The following TBC1D2 variants were observed in gnomAD, a reference collection of about 807,000 sequenced individuals.
The protein encoded by TBC1D2 is TBC1 domain family member 2A.
Under a neutral mutation model 91.1 loss-of-function variants are expected in TBC1D2, and 58 were observed. The ratio of observed to expected loss-of-function variants is 0.64; its 90% confidence interval spans 0.52 to 0.79. TBC1D2 has a LOEUF of 0.79. Among genes scored for constraint, TBC1D2 ranks in the 30% least tolerant of loss-of-function variants. The probability of loss-of-function intolerance (pLI) is 0.00; values close to 1 mark genes in which losing one functional copy is unlikely to be tolerated. For synonymous variants in TBC1D2, 482 were observed against 511.5 expected, an observed-to-expected ratio of 0.94 and a Z score of 0.78; for missense variants, 1,080 against 1,208.3, an observed-to-expected ratio of 0.89 and a Z score of 1.57.
At chr9:98,216,967 C>T (rs1288130985) in intron 6 of TBC1D2, among the ~76,000 whole-genome samples, 3 of 152,210 alleles carry the variant, frequency 2.0e-5, no homozygotes, top group Admixed American at 2.0e-4. Context: ...CCTCTCAAAG[C>T]ACTGGATTGT....
At chr9:98,201,419 C>A (rs925530570) in intron 11 of TBC1D2, 60 bp downstream of exon 11, 5 of 1,501,856 alleles carry the variant, frequency 3.3e-6, no homozygotes, top group East Asian at 4.6e-5. Context: ...AGAGTCAAGA[C>A]GCAGATGGGT....
At chr9:98,209,224 A>G (rs1828748311) in intron 8 of TBC1D2, 80 bp from the exon 9 acceptor site, 3 of 1,414,384 alleles carry the variant, frequency 2.1e-6, no homozygotes, top group Admixed American at 1.8e-5. Context: ...GGAGGACCCC[A>G]GGCCAGGTTC....
At chr9:98,241,674 C>A (rs916595630) in intron 3 of TBC1D2, among the ~76,000 whole-genome samples, 9 of 152,164 alleles carry the variant, frequency 5.9e-5, no homozygotes, top group Non-Finnish European at 1.3e-4. Context: ...GGTGAGACTG[C>A]CCTGGGTGCA....
At chr9:98,244,885 A>G (rs901800657) in intron 2 of TBC1D2, among the ~76,000 whole-genome samples, 5 of 152,172 alleles carry the variant, frequency 3.3e-5, no homozygotes, top group African/African-American at 7.2e-5. Context: ...AACAATGTGA[A>G]TAAATACTTA....
chr9:98,244,862 A>G (rs1829732387), intron 2 of TBC1D2, among the ~76,000 whole-genome samples: 1 of 152,184 alleles, frequency 6.6e-6, no homozygotes, highest in African/African-American at 2.4e-5. Flanking sequence ...ATGACGGAAT[A>G]TTAATCATTC....
chr9:98,228,696 G>A lies in TBC1D2; in HGVS notation c.978+256C>T, dbSNP rs1416997316. ...GGTGAGACCATGCATGGCCCTCCAG[G>A]AGGGGTCCAAGAGACAGTTATTAGA... On this transcript the variant is annotated intron_variant, in intron 5 of 12. Coordinates refer to ENST00000465784, the MANE Select transcript of TBC1D2 (RefSeq NM_001267571.2). This position sits in a 1 kb window ranked among gnomAD's most constrained non-coding sequence, Gnocchi z 4.0. Among the ~76,000 whole-genome samples the A allele has an allele frequency of 6.6e-6, 1 of 152,322 alleles. No homozygotes were observed. The highest frequency in any genetic ancestry group is 1.5e-5 in the Non-Finnish European group (1 of 68,022).
chr9:98,239,154 G>A (rs952013864), intron 3 of TBC1D2, among the ~76,000 whole-genome samples: 1 of 151,804 alleles, frequency 6.6e-6, no homozygotes, highest in African/African-American at 2.4e-5. Context: ...GACCTCCTGG[G>A]CTCAAGTGAT....
At chr9:98,218,168 A>G (rs1829014042) in intron 6 of TBC1D2, among the ~76,000 whole-genome samples, 3 of 152,108 alleles carry the variant, frequency 2.0e-5, no homozygotes, top group Non-Finnish European at 4.4e-5. Flanking sequence ...AACCCTTTAA[A>G]GCACAAAGCA....
chr9:98,201,609 G>A lies in TBC1D2; in HGVS notation c.2327C>T (p.Ala776Val). The change falls in exon 11 of 13, where the codon GCC becomes GTC. Residue 776 changes from alanine (A) to valine (V), a missense_variant. Ala to Val is a moderately conservative substitution (Grantham distance 64). Transcript: ENST00000465784. Reference protein sequence around the residue: ...LLSEKLPRLMAHLGQHHVDLS... With the variant: ...LLSEKLPRLMVHLGQHHVDLS... ...ATCCACGTGGTGCTGCCCCAGATGG[G>A]CCATCAGCCTGGGCAGCTTCTCCGA... 6.2e-7 allele frequency: 1 copy of A among 1,614,000 alleles called. No homozygotes were observed.
Position 98,217,392 on chromosome 9 carries a change from G to A in TBC1D2, c.1374+3441C>T, listed in dbSNP as rs10122561. 8.4e-3 allele frequency among the ~76,000 whole-genome samples: 1,280 copies of A among 152,348 alleles called. 21 individuals are homozygous for A. Among genetic ancestry groups the A allele is most frequent in the African/African-American group, 0.028 (1,178 of 41,580 alleles). ...GCCTGGGCATGGGAGGCCAGGTTCC[G>A]GCTGTAGCCCTGCCTCTTGCTGCCT... On this transcript the variant is annotated intron_variant, in intron 6 of 12. Transcript: ENST00000465784.
intron 4 of TBC1D2, among the ~76,000 whole-genome samples, chr9:98,229,787 T>C (rs1829323843): frequency 6.6e-6 from 1 of 152,314 alleles, no homozygotes; most frequent in East Asian, 1.9e-4. Context: ...ACAGGCCAAA[T>C]CCAGCCCACA....
chr9:98,202,575 T>A (rs550920191), intron 10 of TBC1D2, among the ~76,000 whole-genome samples: 6 of 152,242 alleles, frequency 3.9e-5, no homozygotes, highest in African/African-American at 1.4e-4. Flanking sequence ...ACTGAAGGAT[T>A]TATGGATGAA....
At position 98,209,538 on chromosome 9, in the gene TBC1D2, G is replaced by A. The variant is rs535923702; in HGVS notation, c.1674-394C>T. Among the ~76,000 whole-genome samples, 25 of 152,280 alleles carry A rather than the reference G, an allele frequency of 1.6e-4. No homozygotes were observed. The Middle Eastern group carries it at 0.01, about 62-fold the overall frequency. Reference sequence around the variant, plus strand: ...ACCCCACTTACCACAGCCAGTAAGCGCAGGGGTGGACGGGGAACAGACAGC... The same window carrying A: ...ACCCCACTTACCACAGCCAGTAAGCACAGGGGTGGACGGGGAACAGACAGC... On this transcript the variant is annotated intron_variant, in intron 8 of 12. Transcript: ENST00000465784.
chr9:98,221,798 G>A (rs1829108841), intron 5 of TBC1D2, among the ~76,000 whole-genome samples: 1 of 152,120 alleles, frequency 6.6e-6, no homozygotes. Flanking sequence ...GCACAGACAT[G>A]GCTCACTGTA....
Position 98,201,429 on chromosome 9 carries a change from T to C in TBC1D2, c.2457+50A>G, listed in dbSNP as rs1261192652. On this transcript the variant is annotated intron_variant, in intron 11 of 12. Coordinates refer to ENST00000465784, the MANE Select transcript of TBC1D2 (RefSeq NM_001267571.2). ...GGGGCAGAGTCAAGACGCAGATGGG[T>C]GAAGGGACTTGCTCAGGGGCCCCCT... 4.5e-6 allele frequency: 7 copies of C among 1,554,896 alleles called. No homozygotes were observed. The South Asian group carries it at 8.1e-5, about 18-fold the overall frequency.
At chr9:98,255,026 A>G in intron 1 of TBC1D2, 147 bp downstream of exon 1, 1 of 1,346,824 alleles carries the variant, frequency 7.4e-7, no homozygotes, top group East Asian at 2.4e-5. Context: ...ATGGGTGGGA[A>G]TGCACTTTGC....
rs1203647859 is a variant in TBC1D2, at chr9:98,228,781, A to G, written c.978+171T>C. Among the ~76,000 whole-genome samples the G allele has an allele frequency of 6.6e-6, 1 of 152,178 alleles. No homozygotes were observed. Among genetic ancestry groups the G allele is most frequent in the African/African-American group, 2.4e-5 (1 of 41,440 alleles). On this transcript the variant is annotated intron_variant, in intron 5 of 12. Coordinates refer to ENST00000465784, the MANE Select transcript of TBC1D2 (RefSeq NM_001267571.2). This position sits in a 1 kb window ranked among gnomAD's most constrained non-coding sequence, Gnocchi z 4.0. ...TTTGTGACTTACTTTGAGTGACATC[A>G]GGTTCTTGAGTAATCAACAGCATAT... is the stretch of plus-strand genomic sequence containing the variant.
chr9:98,253,991 C>T (rs1380136666), intron 1 of TBC1D2, among the ~76,000 whole-genome samples: 1 of 152,232 alleles, frequency 6.6e-6, no homozygotes, highest in Non-Finnish European at 1.5e-5. Flanking sequence ...GTGGAAGAGA[C>T]ACATAGACCC....
chr9:98,231,211 C>G (rs866810587), intron 4 of TBC1D2, among the ~76,000 whole-genome samples: 1 of 147,604 alleles, frequency 6.8e-6, no homozygotes, highest in Non-Finnish European at 1.5e-5. Context: ...CAAGGGCTGA[C>G]TGGGAGAGGA....
Sources: gnomAD v4.1 joint callset for allele counts (sites outside exome capture counted in the v4.1 genomes callset) on GRCh38, gnomAD v4.1.1 for gene constraint, Gnocchi (gnomAD v3.1) non-coding constraint, MANE v1.5 for transcripts, NCBI Gene and HGNC (gene_info 2026-07-23, HGNC 2026-07-21) for gene names.